Variants in KANK1 observed in about 807,000 individuals in gnomAD.
KANK1 encodes the protein KN motif and ankyrin repeat domain-containing protein 1.
Under a neutral mutation model 106.2 loss-of-function variants are expected in KANK1, and 109 were observed. The ratio of observed to expected loss-of-function variants is 1.03; its 90% CI spans 0.88 to 1.20. The LOEUF (loss-of-function observed/expected upper bound fraction) is 1.20. Ranked by LOEUF, KANK1 falls within the 50% of genes most tolerant of loss-of-function variation. The pLI, the probability that KANK1 is intolerant of heterozygous loss-of-function variation, is 0.00. For missense variants in KANK1, 2,399 were observed against 1,710.7 expected (o/e 1.40, Z -7.10); for synonymous variants, 873 against 652.2 (o/e 1.34, Z -5.16).
At chr9:528,679 G>A (rs1228439009) in intron 1 of KANK1, among the ~76,000 whole-genome samples, 2 of 151,760 alleles carry the variant, frequency 1.3e-5, no homozygotes, top group African/African-American at 2.4e-5. Flanking sequence ...GTAGAGACCT[G>A]GTTTCACCAT....
chr9:650,587 C>T (rs1300011222), intron 1 of KANK1, among the ~76,000 whole-genome samples: 1 of 152,104 alleles, frequency 6.6e-6, no homozygotes, highest in East Asian at 1.9e-4. Context: ...CTTCAGTGGG[C>T]TGTGACTCTG....
At chr9:554,745 C>G (rs1026545911) in intron 1 of KANK1, among the ~76,000 whole-genome samples, 3 of 152,096 alleles carry the variant, frequency 2.0e-5, no homozygotes, top group East Asian at 1.9e-4. Flanking sequence ...TTGAGAATTA[C>G]TATATTTTGT....
rs373456811 is a variant in KANK1 at position 743,753 on chromosome 9, C to T, written c.3898-738C>T. ...GGTATGCACCTGTAGTCTCAGATAC[C>T]GTGGTGGTTGAGGCAGGAGAATCAC... is the stretch of plus-strand genomic sequence containing the variant. On this transcript the variant is annotated intron_variant, in intron 10 of 11. Transcript: ENST00000382297. Among the ~76,000 whole-genome samples, 11 of 152,076 alleles carry T rather than the reference C, an allele frequency of 7.2e-5. 1 individual carries two copies. Among genetic ancestry groups the T allele is most frequent in the Admixed American group, 2.0e-4 (3 of 15,258 alleles).
rs200654635 is a variant in KANK1 at position 738,369 on chromosome 9, A to C, written c.3418A>C (p.Ile1140Leu). Reference protein sequence around the residue: ...SAIPAMVGDYIAAFEAISPDV... With the variant: ...SAIPAMVGDYLAAFEAISPDV... ...CATTCCAGCCATGGTGGGGGACTAC[A>C]TAGCTGCTTTTGAGGCCATTTCCCC... Residue 1140 changes from isoleucine to leucine, a missense_variant, in exon 8 of 12, where the codon ATA becomes CTA. Coordinates refer to ENST00000382297, the MANE Select transcript of KANK1 (RefSeq NM_015158.5). 1 of 1,614,192 alleles carries C rather than the reference A, an allele frequency of 6.2e-7. No homozygotes were observed. Among genetic ancestry groups the C allele is most frequent in the Admixed American group, 1.7e-5 (1 of 60,010 alleles).
intron 1 of KANK1, among the ~76,000 whole-genome samples, chr9:526,557 T>A (rs2059800438): frequency 6.6e-6 from 1 of 151,666 alleles, no homozygotes; most frequent in Non-Finnish European, 1.5e-5. Context: ...TACAAAAAAA[T>A]AAAAATTACA....
chr9:498,674 G>A (rs144473210), intron 3 of KANK1, among the ~76,000 whole-genome samples: 61 of 152,220 alleles, frequency 4.0e-4, no homozygotes, highest in Non-Finnish European at 5.4e-4. Context: ...TGGCCAATAC[G>A]AATTCTCAAC....
At chr9:730,562 GCACA>G in intron 4 of KANK1, 1 of 354,408 alleles carries the variant, frequency 2.8e-6, no homozygotes, top group South Asian at 2.3e-5. Context: ...GCATGGTGGT[GCACA>G]CCTGTAGTCC....
intron 2 of KANK1, among the ~76,000 whole-genome samples, chr9:694,452 A>G (rs1791207355): frequency 6.6e-6 from 1 of 152,208 alleles, no homozygotes; most frequent in African/African-American, 2.4e-5. Context: ...TATTTCAGCA[A>G]CAACTTTTAA....
chr9:586,021 T>C (rs772735135), intron 1 of KANK1, among the ~76,000 whole-genome samples: 7 of 152,198 alleles, frequency 4.6e-5, no homozygotes, highest in Non-Finnish European at 5.9e-5. Flanking sequence ...GTTTGTGGGA[T>C]TCTGTAAGGT....
intron 1 of KANK1, among the ~76,000 whole-genome samples, chr9:531,254 C>T (rs1490588254): frequency 6.6e-6 from 1 of 152,056 alleles, no homozygotes; most frequent in Non-Finnish European, 1.5e-5. Context: ...GCCTGGGCAA[C>T]AAAGCAAGAA....
intron 1 of KANK1, among the ~76,000 whole-genome samples, chr9:623,604 CAAAAAAAAAAAAG>C (rs1833683161): frequency 8.5e-6 from 1 of 117,890 alleles, no homozygotes; most frequent in Non-Finnish European, 1.7e-5. Flanking sequence ...GATTGTGTCT[CAAAAAAAAAAAAG>C]AAAAAGAAAA....
chr9:564,322 A>C (rs1392342989), intron 1 of KANK1, among the ~76,000 whole-genome samples: 2 of 151,962 alleles, frequency 1.3e-5, no homozygotes, highest in African/African-American at 2.4e-5. Flanking sequence ...TCAGCCTCCC[A>C]AAGTGCTGGG....
intron 1 of KANK1, among the ~76,000 whole-genome samples, chr9:675,296 CTGT>C (rs1380078234): frequency 1.3e-5 from 2 of 152,104 alleles, no homozygotes; most frequent in African/African-American, 4.8e-5. Flanking sequence ...TTTTGGCATT[CTGT>C]TGTTAAGAGG....
chr9:738,165 G>C (rs1204970540), intron 7 of KANK1, 120 bp from the exon 8 acceptor site: 2 of 782,650 alleles, frequency 2.6e-6, no homozygotes, highest in East Asian at 2.7e-5. Context: ...TGGTTTTTGA[G>C]AGCAGATTCT....
intron 1 of KANK1, among the ~76,000 whole-genome samples, chr9:586,159 A>G (rs993394423): frequency 6.6e-6 from 1 of 152,190 alleles, no homozygotes; most frequent in Non-Finnish European, 1.5e-5. Context: ...GTGAGATGGA[A>G]TTTTGAGCAG....
chr9:667,748 T>TA (rs1844981393), intron 1 of KANK1, among the ~76,000 whole-genome samples: 6 of 84,758 alleles, frequency 7.1e-5, no homozygotes, highest in Non-Finnish European at 2.2e-4. Context: ...TTTTGTTTTG[T>TA]TTTTTTTTTT....
Position 696,318 on chromosome 9 carries a change from C to T in KANK1, c.38-14486C>T, listed in dbSNP as rs1233887716. ...AAAAAAACTGCTTGACTTCTGCCTC[C>T]CCTAGACACTTAGAGTCTGGTAGAG... On this transcript the variant is annotated intron_variant, in intron 2 of 11. Coordinates refer to ENST00000382297, the MANE Select transcript of KANK1 (RefSeq NM_015158.5). 2.6e-5 allele frequency among the ~76,000 whole-genome samples: 4 copies of T among 152,066 alleles called. No homozygotes were observed. In the East Asian group the frequency reaches 7.7e-4, roughly 29 times the overall value.
intron 9 of KANK1, among the ~76,000 whole-genome samples, chr9:741,482 C>T (rs988288491): frequency 3.2e-5 from 4 of 125,902 alleles, no homozygotes; most frequent in African/African-American, 1.1e-4. Context: ...CACCACCACA[C>T]CTGGCTTTTT....
chr9:546,288 T>G (rs1479866652), intron 1 of KANK1, among the ~76,000 whole-genome samples: 2 of 152,004 alleles, frequency 1.3e-5, no homozygotes, highest in Non-Finnish European at 2.9e-5. Context: ...AATTTATGAT[T>G]GTTATAGCTG....
Sources: gnomAD v4.1 joint callset for allele counts (sites outside exome capture counted in the v4.1 genomes callset) on GRCh38, gnomAD v4.1.1 for gene constraint, MANE v1.5 for transcripts, NCBI Gene and HGNC (gene_info 2026-07-23, HGNC 2026-07-21) for gene names.